The following PDE1C variants were observed in gnomAD, a reference collection of about 807,000 sequenced individuals.
PDE1C encodes the protein dual specificity calcium/calmodulin-dependent 3',5'-cyclic nucleotide phosphodiesterase 1C.
Under a neutral mutation model 93.1 loss-of-function variants are expected in PDE1C, and 62 were observed. The ratio of observed to expected loss-of-function variants is 0.67; its 90% CI spans 0.54 to 0.82. The LOEUF is 0.82. PDE1C is among the 40% of genes least tolerant of loss of function. The pLI, the probability that PDE1C is intolerant of heterozygous loss-of-function variation, is 0.00. For synonymous variants in PDE1C, 325 were observed against 310.1 expected (o/e 1.05, Z -0.50); for missense variants, 742 against 884.6 (o/e 0.84, Z 2.04).
intron 2 of PDE1C, among the ~76,000 whole-genome samples, chr7:31,997,005 T>C (rs1019211447): frequency 1.3e-5 from 2 of 152,194 alleles, no homozygotes; most frequent in African/African-American, 4.8e-5. Context: ...ACATTATCAG[T>C]GCACAGAAAG....
At chr7:31,807,445 G>T (rs571063095) in intron 16 of PDE1C, among the ~76,000 whole-genome samples, 3 of 151,504 alleles carry the variant, frequency 2.0e-5, no homozygotes, top group African/African-American at 7.3e-5. Flanking sequence ...TAAATACTTG[G>T]GTATGATTCA....
At chr7:32,277,121 C>T (rs1372978799) in intron 1 of PDE1C, among the ~76,000 whole-genome samples, 3 of 152,102 alleles carry the variant, frequency 2.0e-5, no homozygotes, top group African/African-American at 7.2e-5. Flanking sequence ...TGGTTGTGCA[C>T]ACCTGCGGTC....
At chr7:31,798,517 T>C (rs1406921964) in intron 16 of PDE1C, among the ~76,000 whole-genome samples, 1 of 151,770 alleles carries the variant, frequency 6.6e-6, no homozygotes, top group Non-Finnish European at 1.5e-5. Flanking sequence ...CTATGACTTA[T>C]GTGTAGTGAC....
At chr7:32,115,412 G>A (rs931787417) in intron 3 of PDE1C, among the ~76,000 whole-genome samples, 4 of 152,070 alleles carry the variant, frequency 2.6e-5, no homozygotes, top group Admixed American at 6.6e-5. Flanking sequence ...AGTGGGAGTT[G>A]AACAATAAGA....
intron 16 of PDE1C, among the ~76,000 whole-genome samples, chr7:31,808,639 TAAAA>T (rs1189345701): frequency 1.3e-5 from 2 of 151,890 alleles, no homozygotes; most frequent in Non-Finnish European, 2.9e-5. Flanking sequence ...CATGAAAACA[TAAAA>T]CATGGAACAT....
intron 1 of PDE1C, among the ~76,000 whole-genome samples, chr7:32,221,236 T>C (rs968160015): frequency 6.6e-6 from 1 of 152,244 alleles, no homozygotes; most frequent in Non-Finnish European, 1.5e-5. Context: ...ATATTTGTAT[T>C]TTAAATAAGC....
intron 1 of PDE1C, among the ~76,000 whole-genome samples, chr7:32,370,943 G>A (rs756595306): frequency 1.6e-4 from 24 of 151,236 alleles, no homozygotes; most frequent in Middle Eastern, 3.5e-3. Flanking sequence ...TATATTAAGT[G>A]AAATAAGCCA....
chr7:31,720,774 C>T, the PDE1C span, among the ~76,000 whole-genome samples: 3 of 152,014 alleles, frequency 2.0e-5, no homozygotes, highest in Admixed American at 6.5e-5. Flanking sequence ...TTTTTTTCTC[C>T]ATTTGGGTAT....
chr7:31,819,538 A>G (rs531930843), intron 14 of PDE1C, among the ~76,000 whole-genome samples: 71 of 152,164 alleles, frequency 4.7e-4, no homozygotes, highest in Non-Finnish European at 8.4e-4. Context: ...TGTGCGGTTC[A>G]TTTCTGTTTC....
intron 2 of PDE1C, among the ~76,000 whole-genome samples, chr7:32,177,987 C>G (rs1803125928): frequency 6.6e-6 from 1 of 152,174 alleles, no homozygotes; most frequent in Non-Finnish European, 1.5e-5. Context: ...AGGCTCTCAT[C>G]CCCCATGGTC....
At chr7:31,649,505 A>G in the PDE1C span, among the ~76,000 whole-genome samples, 1 of 152,194 alleles carries the variant, frequency 6.6e-6, no homozygotes, top group Non-Finnish European at 1.5e-5. Context: ...TGGGAAATGT[A>G]ATTTTTTAGC....
the PDE1C span, among the ~76,000 whole-genome samples, chr7:31,729,146 A>C: frequency 6.6e-6 from 1 of 152,244 alleles, no homozygotes; most frequent in South Asian, 2.1e-4. Context: ...CAAATGCGTA[A>C]GTTTTTAGCA....
intron 1 of PDE1C, among the ~76,000 whole-genome samples, chr7:32,055,129 C>T (rs1793897822): frequency 6.6e-6 from 1 of 152,214 alleles, no homozygotes; most frequent in African/African-American, 2.4e-5. Context: ...ATGGCAACTG[C>T]TCAATATGTT....
chr7:32,102,660 A>G (rs1798095265), intron 3 of PDE1C, among the ~76,000 whole-genome samples: 1 of 152,198 alleles, frequency 6.6e-6, no homozygotes, highest in African/African-American at 2.4e-5. Context: ...AACTGCTTCT[A>G]CAGCATGGCA....
chr7:32,022,481 AAGG>A (rs1788820584), intron 2 of PDE1C, among the ~76,000 whole-genome samples: 1 of 152,042 alleles, frequency 6.6e-6, no homozygotes, highest in African/African-American at 2.4e-5. Context: ...TAAGTGTCCC[AAGG>A]AGAAGTCATG....
At chr7:32,426,031 A>G (rs895296644) in intron 1 of PDE1C, among the ~76,000 whole-genome samples, 5 of 152,208 alleles carry the variant, frequency 3.3e-5, no homozygotes, top group Non-Finnish European at 5.9e-5. Flanking sequence ...TTGAACTGAT[A>G]TCTCCCACAC....
intron 8 of PDE1C, among the ~76,000 whole-genome samples, 172 bp downstream of exon 8, chr7:31,850,469 C>T (rs958871730): frequency 2.6e-5 from 4 of 152,090 alleles, no homozygotes; most frequent in African/African-American, 9.7e-5. Context: ...GCTTCTTAAA[C>T]TCTAAGTCTT....
intron 3 of PDE1C, among the ~76,000 whole-genome samples, chr7:32,123,562 A>C (rs922963982): frequency 2.0e-5 from 3 of 152,224 alleles, no homozygotes. Flanking sequence ...TATGCAAATA[A>C]ATAAACTTAA....
At chr7:31,704,136 T>C in the PDE1C span, among the ~76,000 whole-genome samples, 3 of 152,188 alleles carry the variant, frequency 2.0e-5, no homozygotes, top group Non-Finnish European at 2.9e-5. Flanking sequence ...CTGTGGACAT[T>C]TGGGCAGTTT....
Sources: gnomAD v4.1 joint callset for allele counts (sites outside exome capture counted in the v4.1 genomes callset) on GRCh38, gnomAD v4.1.1 for gene constraint, MANE v1.5 for transcripts, NCBI Gene and HGNC (gene_info 2026-07-23, HGNC 2026-07-21) for gene names.